Variants in CYP2J2 observed in about 807,000 individuals in gnomAD.
CYP2J2 encodes the protein cytochrome P450 family 2 subfamily J member 2.
A neutral mutation model predicts 48.8 loss-of-function variants in CYP2J2; 41 were observed. The ratio of observed to expected loss-of-function variants is 0.84; its 90% CI spans 0.66 to 1.09. The LOEUF (loss-of-function observed/expected upper bound fraction) is 1.09, where lower values mean the gene tolerates loss of function less well. Ranked by LOEUF, CYP2J2 falls within the 50% of genes least tolerant of loss-of-function variation. CYP2J2 has a pLI of 0.00. For missense variants in CYP2J2, 644 were observed against 617.3 expected (o/e 1.04, Z -0.46); for synonymous variants, 221 against 227.1 (o/e 0.97, Z 0.24).
At chr1:59,964,438 T>C in the CYP2J2 span, among the ~76,000 whole-genome samples, 2 of 152,208 alleles carry the variant, frequency 1.3e-5, no homozygotes, top group African/African-American at 4.8e-5. Flanking sequence ...ATGTTGTGAA[T>C]GAAAATCTCA....
intron 2 of CYP2J2, among the ~76,000 whole-genome samples, chr1:59,915,212 C>A (rs1644454003): frequency 6.6e-6 from 1 of 152,190 alleles, no homozygotes; most frequent in South Asian, 2.1e-4. Context: ...AAGTCAGAGA[C>A]CGGTGCCAGT....
In CYP2J2 at chr1:59,907,906, T is replaced by C. The variant is rs755171883; in HGVS notation, c.883A>G (p.Ser295Gly). The part of the protein sequence containing the change: ...MSKHTGNPTS[S>G]FHEENLICST... Reference sequence around the variant, plus strand: ...CAGATGAGGTTTTCTTCATGGAAACTTGAAGTAGGATTGCCTGTGTGCTAG... The same window carrying C: ...CAGATGAGGTTTTCTTCATGGAAACCTGAAGTAGGATTGCCTGTGTGCTAG... Residue 295 changes from serine (S) to glycine (G), a missense_variant, in exon 6 of 9, where the codon AGT (serine) becomes GGT (glycine). Ser to Gly is a moderately conservative substitution (Grantham distance 56). Coordinates refer to ENST00000371204, the MANE Select transcript of CYP2J2 (RefSeq NM_000775.4). 2.5e-6 allele frequency: 4 copies of C among 1,613,990 alleles called. No homozygotes were observed. In the African/African-American group the frequency reaches 4.0e-5, roughly 16 times the overall value.
At chr1:59,911,172 A>C (rs191826931) in intron 4 of CYP2J2, among the ~76,000 whole-genome samples, 1 of 152,174 alleles carries the variant, frequency 6.6e-6, no homozygotes, top group Non-Finnish European at 1.5e-5. Flanking sequence ...ATGAAATACT[A>C]ATCTGCATTA....
At chr1:59,917,736 TC>T (rs375778163) in intron 1 of CYP2J2, among the ~76,000 whole-genome samples, 48 of 152,284 alleles carry the variant, frequency 3.2e-4, no homozygotes, top group African/African-American at 1.1e-3. Context: ...TCAAAATCCT[TC>T]CTAATGTATC....
chr1:59,922,782 A>T (rs929884498), intron 1 of CYP2J2, among the ~76,000 whole-genome samples: 4 of 152,242 alleles, frequency 2.6e-5, no homozygotes, highest in Non-Finnish European at 5.9e-5. Context: ...GGACCAGGAA[A>T]AGGAAAACCC....
At chr1:59,902,634 C>T (rs186093546) in intron 7 of CYP2J2, among the ~76,000 whole-genome samples, 4 of 152,174 alleles carry the variant, frequency 2.6e-5, no homozygotes, top group Admixed American at 2.6e-4. Flanking sequence ...AGGCTGATCT[C>T]GAACTCCTGA....
Position 59,911,714 on chromosome 1 carries a change from C to A in CYP2J2, c.578G>T (p.Cys193Phe). Residue 193 changes from cysteine (C) to phenylalanine (F), a missense_variant, in exon 4 of 9, where the codon TGC (cysteine) becomes TTC (phenylalanine). Physicochemically the swap from Cys to Phe is radical, Grantham distance 205 (BLOSUM62 -2). Coordinates refer to ENST00000371204, the MANE Select transcript of CYP2J2 (RefSeq NM_000775.4). ...KINNAVSNIICSITFGERFEY... is the reference protein window; with the variant it reads ...KINNAVSNIIFSITFGERFEY... ...AAAGCGTTCTCCGAAGGTGATGGAG[C>A]AAATGATATTGGAAACTGCATTGTT... The A allele has an allele frequency of 1.9e-6, 3 of 1,613,610 alleles. No individual in the cohort carries two copies. Among genetic ancestry groups the A allele is most frequent in the Non-Finnish European group, 2.5e-6 (3 of 1,179,678 alleles).
At chr1:59,944,095 G>A in the CYP2J2 span, among the ~76,000 whole-genome samples, 3 of 148,066 alleles carry the variant, frequency 2.0e-5, no homozygotes, top group Admixed American at 1.3e-4. Flanking sequence ...TATCTTAGCC[G>A]TTTAAGTATG....
intron 1 of CYP2J2, among the ~76,000 whole-genome samples, chr1:59,920,846 A>C (rs1644506341): frequency 1.3e-5 from 2 of 152,192 alleles, no homozygotes; most frequent in Non-Finnish European, 2.9e-5. Context: ...AGACTTTATT[A>C]GTTCCCATGT....
At chr1:59,949,497 A>G in the CYP2J2 span, among the ~76,000 whole-genome samples, 1 of 152,198 alleles carries the variant, frequency 6.6e-6, no homozygotes, top group Non-Finnish European at 1.5e-5. Flanking sequence ...GAAACTGTAT[A>G]TCCTTGACAA....
chr1:59,942,179 G>T, the CYP2J2 span, among the ~76,000 whole-genome samples: 4 of 152,082 alleles, frequency 2.6e-5, no homozygotes, highest in Admixed American at 2.0e-4. Flanking sequence ...ATAATTCAGA[G>T]AATTATCCAG....
chr1:59,911,470 T>C (rs1034778583), intron 4 of CYP2J2, 138 bp downstream of exon 4: 4 of 576,584 alleles, frequency 6.9e-6, no homozygotes, highest in South Asian at 2.9e-5. Flanking sequence ...TTATTTCAAA[T>C]AAGTTTGTGT....
In CYP2J2 at chr1:59,904,968, A is replaced by C. The variant is rs200351077; in HGVS notation, c.1094T>G (p.Val365Gly). 1 of 1,613,708 alleles carries C rather than the reference A, an allele frequency of 6.2e-7. No homozygotes were observed. The highest frequency in any genetic ancestry group is 1.7e-4 in the Middle Eastern group (1 of 6,060). The change falls in exon 7 of 9, where the codon GTC becomes GGC. Residue 365 changes from valine to glycine, a missense_variant. By Grantham distance (109) the Val-to-Gly change is moderately radical. Transcript: ENST00000371204. ...GCCCATTCTCTGCACCTCATGGATGACAGCATTGGTGTAGGGCATGGACTC... is the reference window on the plus strand; with the variant it reads ...GCCCATTCTCTGCACCTCATGGATGCCAGCATTGGTGTAGGGCATGGACTC... ...ARESMPYTNA[V>G]IHEVQRMGNI...
chr1:59,895,191 A>T (rs1644258365), intron 8 of CYP2J2, among the ~76,000 whole-genome samples: 1 of 152,242 alleles, frequency 6.6e-6, no homozygotes, highest in South Asian at 2.1e-4. Context: ...CCTTCATTAG[A>T]AAAGGGTCCA....
chr1:59,955,142 AAAATAAAT>A, the CYP2J2 span, among the ~76,000 whole-genome samples: 6,780 of 145,780 alleles, frequency 0.047, 184 homozygotes, highest in Middle Eastern at 0.071. Context: ...CTCCAAAATT[AAAATAAAT>A]AAATAAATAA....
chr1:59,946,783 A>G, the CYP2J2 span, among the ~76,000 whole-genome samples: 1 of 152,218 alleles, frequency 6.6e-6, no homozygotes, highest in Non-Finnish European at 1.5e-5. Flanking sequence ...AATAACTTTT[A>G]TATTTACAAT....
intron 4 of CYP2J2, among the ~76,000 whole-genome samples, chr1:59,910,768 C>A (rs946973615): frequency 6.6e-6 from 1 of 152,124 alleles, no homozygotes; most frequent in African/African-American, 2.4e-5. Context: ...CCCCTCCCCC[C>A]AGCTCCCAGA....
At chr1:59,894,554 C>G (rs1644252605) in intron 8 of CYP2J2, among the ~76,000 whole-genome samples, 1 of 152,182 alleles carries the variant, frequency 6.6e-6, no homozygotes, top group Admixed American at 6.6e-5. Context: ...AATTCAGCTT[C>G]TCCCACCTCC....
intron 7 of CYP2J2, among the ~76,000 whole-genome samples, chr1:59,902,399 A>C (rs1266248688): frequency 6.6e-6 from 1 of 152,034 alleles, no homozygotes; most frequent in African/African-American, 2.4e-5. Context: ...TCAAGGAATT[A>C]ATATCAATGA....
Sources: allele counts gnomAD v4.1 joint callset (sites outside exome capture counted in the v4.1 genomes callset), GRCh38; gene constraint gnomAD v4.1.1; transcripts MANE v1.5; gene names NCBI Gene and HGNC (gene_info 2026-07-23, HGNC 2026-07-21).